The following EHHADH variants were observed in gnomAD, a reference collection of about 807,000 sequenced individuals.
EHHADH encodes the protein peroxisomal bifunctional enzyme.
Under a neutral mutation model 64.4 loss-of-function variants are expected in EHHADH, and 48 were observed. That is an observed-to-expected ratio of 0.75 (90% CI 0.59 to 0.95). The LOEUF (loss-of-function observed/expected upper bound fraction) is 0.95. EHHADH is among the 40% of genes least tolerant of loss of function. The pLI, the probability that EHHADH is intolerant of heterozygous loss-of-function variation, is 0.00. For missense variants in EHHADH, 854 were observed against 876.6 expected, an observed-to-expected ratio of 0.97 and a Z score of 0.33; for synonymous variants, 308 against 326.7, an observed-to-expected ratio of 0.94 and a Z score of 0.62.
intron 2 of EHHADH, chr3:185,245,744 C>G: frequency 1.4e-6 from 1 of 702,866 alleles, no homozygotes; most frequent in Non-Finnish European, 2.6e-6. Context: ...AACAAAAATG[C>G]AAGTGTGCTG....
intron 2 of EHHADH, among the ~76,000 whole-genome samples, chr3:185,243,694 C>T (rs578121150): frequency 7.9e-5 from 12 of 152,162 alleles, no homozygotes; most frequent in South Asian, 2.1e-4. Flanking sequence ...TAATATGAAA[C>T]GATACTTGAT....
At chr3:185,241,288 T>G (rs1365416956) in intron 2 of EHHADH, among the ~76,000 whole-genome samples, 1 of 152,080 alleles carries the variant, frequency 6.6e-6, no homozygotes, top group East Asian at 1.9e-4. Context: ...ATCTTTTTCG[T>G]ATGACTTTTT....
chr3:185,253,059 A>G (rs1213965228), intron 1 of EHHADH, among the ~76,000 whole-genome samples: 1 of 151,984 alleles, frequency 6.6e-6, no homozygotes. Context: ...GAGAAAAAGA[A>G]GATAAGGTGC....
At position 185,192,770 on chromosome 3, in the gene EHHADH, G is replaced by A; in HGVS notation, c.1628C>T (p.Thr543Ile). ...SRKGQGLTGP[T>I]LLPGTPARKR... ...TCGGGCAGGAGTTCCTGGAAGCAAT[G>A]TAGGTCCAGTAAGACCTTGCCCCTT... The change falls in exon 7 of 7, where the codon ACA becomes ATA. Residue 543 changes from threonine to isoleucine, a missense_variant. Thr to Ile is a moderately conservative substitution (Grantham distance 89). Coordinates refer to ENST00000231887, the MANE Select transcript of EHHADH (RefSeq NM_001966.4). The A allele has an allele frequency of 6.2e-7, 1 of 1,614,052 alleles. No homozygotes were observed. Among genetic ancestry groups the A allele is most frequent in the Non-Finnish European group, 8.5e-7 (1 of 1,180,010 alleles).
chr3:185,250,036 A>T (rs1018952814), intron 1 of EHHADH, among the ~76,000 whole-genome samples: 7 of 152,194 alleles, frequency 4.6e-5, no homozygotes, highest in African/African-American at 1.7e-4. Flanking sequence ...AGAGCAAGAG[A>T]TAGACAGAGA....
intron 4 of EHHADH, among the ~76,000 whole-genome samples, chr3:185,225,372 G>GT: frequency 6.6e-6 from 1 of 151,978 alleles, no homozygotes; most frequent in South Asian, 2.1e-4. Context: ...CTCACATCTC[G>GT]TATCTGCTCT....
At chr3:185,239,900 G>T (rs1719401647) in intron 2 of EHHADH, among the ~76,000 whole-genome samples, 1 of 152,076 alleles carries the variant, frequency 6.6e-6, no homozygotes, top group Non-Finnish European at 1.5e-5. Flanking sequence ...CATTCAGTAT[G>T]ATGTTGGCTG....
At chr3:185,193,532 T>C (rs1717975105) in intron 6 of EHHADH, 45 bp from the exon 7 acceptor site, 10 of 1,584,840 alleles carry the variant, frequency 6.3e-6, no homozygotes, top group African/African-American at 1.4e-5. Flanking sequence ...TCAGTGGTAT[T>C]GGGAACTGAT....
intron 4 of EHHADH, among the ~76,000 whole-genome samples, chr3:185,219,433 G>C (rs924186188): frequency 1.3e-5 from 2 of 152,204 alleles, no homozygotes. Context: ...CCAATATCTA[G>C]TGTCTGGCAG....
intron 2 of EHHADH, chr3:185,248,075 T>A (rs574625497): frequency 4.9e-6 from 1 of 205,880 alleles, no homozygotes; most frequent in South Asian, 1.3e-4. Flanking sequence ...ACTTTATAGA[T>A]AGAGAAATTG....
At chr3:185,202,878 T>C (rs1166475915) in intron 6 of EHHADH, among the ~76,000 whole-genome samples, 1 of 151,922 alleles carries the variant, frequency 6.6e-6, no homozygotes, top group Non-Finnish European at 1.5e-5. Flanking sequence ...AGAAAGTTGA[T>C]GCTTTTACAC....
At chr3:185,233,527 T>C (rs972909885) in intron 3 of EHHADH, among the ~76,000 whole-genome samples, 8 of 152,216 alleles carry the variant, frequency 5.3e-5, no homozygotes, top group Non-Finnish European at 8.8e-5. Context: ...ATAAGTGTAT[T>C]AAGTTCTCTA....
intron 2 of EHHADH, among the ~76,000 whole-genome samples, chr3:185,240,921 C>T (rs1293865450): frequency 6.6e-6 from 1 of 152,016 alleles, no homozygotes; most frequent in Non-Finnish European, 1.5e-5. Context: ...GCAGTATATA[C>T]TGCACTGTAT....
chr3:185,234,527 CTAGGG>C (rs1719229351), intron 3 of EHHADH, among the ~76,000 whole-genome samples: 1 of 150,626 alleles, frequency 6.6e-6, no homozygotes, highest in Non-Finnish European at 1.5e-5. Context: ...GAGAGAGGCC[CTAGGG>C]CTAAGGTTAA....
intron 3 of EHHADH, among the ~76,000 whole-genome samples, chr3:185,231,920 C>T (rs1041173675): frequency 2.0e-5 from 3 of 151,888 alleles, no homozygotes; most frequent in African/African-American, 4.8e-5. Context: ...GAATTGCACA[C>T]TTTAAATGAA....
At chr3:185,251,635 T>C (rs887101721) in intron 1 of EHHADH, among the ~76,000 whole-genome samples, 1 of 151,610 alleles carries the variant, frequency 6.6e-6, no homozygotes, top group African/African-American at 2.4e-5. Flanking sequence ...TGTGTGTGTG[T>C]GTGTATTACA....
chr3:185,234,107 CTAGTT>C (rs1199821692), intron 3 of EHHADH, among the ~76,000 whole-genome samples: 2 of 152,134 alleles, frequency 1.3e-5, no homozygotes, highest in Non-Finnish European at 2.9e-5. Context: ...CTTATGTTCT[CTAGTT>C]TAGTAGAATG....
At chr3:185,200,677 T>C (rs900923967) in intron 6 of EHHADH, among the ~76,000 whole-genome samples, 1 of 152,198 alleles carries the variant, frequency 6.6e-6, no homozygotes, top group African/African-American at 2.4e-5. Flanking sequence ...CAGGAACCTC[T>C]TCTACTCAGA....
chr3:185,242,021 C>T (rs1719467190), intron 2 of EHHADH, among the ~76,000 whole-genome samples: 2 of 152,088 alleles, frequency 1.3e-5, no homozygotes, highest in African/African-American at 2.4e-5. Context: ...ATGTGGCTAA[C>T]CAATTATCCC....
Sources: gnomAD v4.1 joint callset for allele counts (sites outside exome capture counted in the v4.1 genomes callset) on GRCh38, gnomAD v4.1.1 for gene constraint, MANE v1.5 for transcripts, NCBI Gene and HGNC (gene_info 2026-07-23, HGNC 2026-07-21) for gene names.